The following STIM1 variants were observed in gnomAD, a reference collection of about 807,000 sequenced individuals.
STIM1 encodes the protein stromal interaction molecule 1.
Under a neutral mutation model 74.7 loss-of-function variants are expected in STIM1, and 25 were observed. The observed-to-expected ratio is 0.33, with a 90% CI of 0.24 to 0.47. STIM1 has a LOEUF of 0.47. Among genes scored for constraint, STIM1 ranks in the 20% least tolerant of loss-of-function variants. STIM1 has a pLI of 1.00. For synonymous variants in STIM1, 328 were observed against 348.8 expected, an observed-to-expected ratio of 0.94 and a Z score of 0.66; for missense variants, 728 against 920.8, an observed-to-expected ratio of 0.79 and a Z score of 2.71.
chr11:4,033,094 G>A (rs987705088), intron 3 of STIM1, among the ~76,000 whole-genome samples: 3 of 151,834 alleles, frequency 2.0e-5, no homozygotes, highest in African/African-American at 7.3e-5. Flanking sequence ...AGTTTTCCCA[G>A]CACCATTTAT....
intron 3 of STIM1, among the ~76,000 whole-genome samples, chr11:4,045,762 CTTT>C (rs35939527): frequency 7.9e-4 from 83 of 104,506 alleles, no homozygotes; most frequent in African/African-American, 2.8e-3. Context: ...CTCAACACTT[CTTT>C]TTTTTTTTTT....
chr11:3,987,027 G>C (rs573877277), intron 2 of STIM1, among the ~76,000 whole-genome samples: 1 of 152,348 alleles, frequency 6.6e-6, no homozygotes, highest in Admixed American at 6.5e-5. Context: ...GCAGAGGTAA[G>C]ATTAGAAGTC....
At chr11:3,858,235 T>G (rs2090459163) in intron 1 of STIM1, among the ~76,000 whole-genome samples, 1 of 87,752 alleles carries the variant, frequency 1.1e-5, no homozygotes, top group African/African-American at 3.1e-5. Flanking sequence ...TTAGGAAGGT[T>G]TTTTTTTTTT....
intron 2 of STIM1, among the ~76,000 whole-genome samples, chr11:3,985,930 G>GTT (rs1350506351): frequency 6.6e-6 from 1 of 152,182 alleles, no homozygotes; most frequent in Non-Finnish European, 1.5e-5. Flanking sequence ...AGTTCAGTGA[G>GTT]TTTCCTTTCA....
intron 2 of STIM1, among the ~76,000 whole-genome samples, chr11:3,975,229 A>G (rs2093435432): frequency 6.6e-6 from 1 of 152,232 alleles, no homozygotes; most frequent in Non-Finnish European, 1.5e-5. Flanking sequence ...GTAGTTAATG[A>G]TTCCTACCAT....
intron 2 of STIM1, among the ~76,000 whole-genome samples, chr11:4,018,783 A>T (rs1240470208): frequency 6.6e-6 from 1 of 152,168 alleles, no homozygotes; most frequent in African/African-American, 2.4e-5. Flanking sequence ...TTCCTTGAAC[A>T]TACCAAGTAT....
At chr11:4,024,896 A>G (rs1049392813) in intron 3 of STIM1, among the ~76,000 whole-genome samples, 2 of 152,144 alleles carry the variant, frequency 1.3e-5, no homozygotes, top group East Asian at 3.9e-4. Context: ...CTTCCTCTCC[A>G]TTTATATCTG....
intron 1 of STIM1, among the ~76,000 whole-genome samples, chr11:3,948,763 A>G (rs2093109832): frequency 6.6e-6 from 1 of 152,070 alleles, no homozygotes; most frequent in Non-Finnish European, 1.5e-5. Context: ...GTTATTCCCA[A>G]TCCTCTAAAT....
At chr11:4,078,117 TC>T (rs2094446971) in intron 7 of STIM1, among the ~76,000 whole-genome samples, 1 of 152,242 alleles carries the variant, frequency 6.6e-6, no homozygotes, top group African/African-American at 2.4e-5. Flanking sequence ...CAATAGAGGC[TC>T]CAGATGATTT....
chr11:4,013,470 G>T (rs1030844960), intron 2 of STIM1, among the ~76,000 whole-genome samples: 3 of 151,586 alleles, frequency 2.0e-5, no homozygotes, highest in African/African-American at 7.3e-5. Context: ...ATGTGTCGAG[G>T]AATTTATCCA....
chr11:3,944,381 T>C (rs2093046918), intron 1 of STIM1, among the ~76,000 whole-genome samples: 1 of 152,156 alleles, frequency 6.6e-6, no homozygotes, highest in African/African-American at 2.4e-5. Context: ...AACTCGCTGA[T>C]TGAATCACTG....
intron 7 of STIM1, among the ~76,000 whole-genome samples, chr11:4,077,556 C>T (rs1042187714): frequency 2.0e-5 from 3 of 152,104 alleles, no homozygotes; most frequent in African/African-American, 7.2e-5. Context: ...ACATATAGAA[C>T]ACTTTGCCTA....
At chr11:3,996,390 T>C (rs1225315148) in intron 2 of STIM1, among the ~76,000 whole-genome samples, 1 of 152,154 alleles carries the variant, frequency 6.6e-6, no homozygotes, top group Non-Finnish European at 1.5e-5. Context: ...GCATCCAAGG[T>C]AAAGCTCTCG....
Position 3,855,898 on chromosome 11 carries a change from TTCTCTTCC to T in STIM1, c.-370_-363del, listed in dbSNP as rs1001475616. ...CCCTTCTCGCCTCTCTTCTCTTCTC[TTCTCTTCC>T]TCCTCCACTTCTGTGCCCGCGGAGA... is the stretch of plus-strand genomic sequence containing the variant. On this transcript the variant is annotated 5_prime_UTR_variant, in exon 1 of 13. Transcript: ENST00000526596. 6.9e-6 allele frequency: 2 copies of T among 289,584 alleles called. No individual in the cohort carries two copies. The highest frequency in any genetic ancestry group is 1.8e-4 in the East Asian group (2 of 11,302). The allele number at this position is 289,584 out of a possible 1,614,324, so 17.9% of individuals were successfully genotyped here.
intron 2 of STIM1, among the ~76,000 whole-genome samples, chr11:4,005,213 C>T (rs2093765339): frequency 6.6e-6 from 1 of 152,144 alleles, no homozygotes; most frequent in Non-Finnish European, 1.5e-5. Flanking sequence ...TACCATTTGA[C>T]CCAGCCATCC....
chr11:4,051,054 AG>A (rs2094235865), intron 3 of STIM1, among the ~76,000 whole-genome samples: 2 of 152,142 alleles, frequency 1.3e-5, no homozygotes, highest in Admixed American at 6.5e-5. Context: ...GTAGGAAGGG[AG>A]GTGGGAGAAG....
chr11:3,959,955 A>G (rs1415950938), intron 1 of STIM1, among the ~76,000 whole-genome samples: 1 of 152,212 alleles, frequency 6.6e-6, no homozygotes, highest in East Asian at 1.9e-4. Context: ...ACCTCCACAC[A>G]CTGTCAGTTA....
chr11:4,020,254 A>C (rs11827750), intron 2 of STIM1, among the ~76,000 whole-genome samples: 6,339 of 152,244 alleles, frequency 0.042, 410 homozygotes, highest in African/African-American at 0.14. Context: ...GTGCTGCAAT[A>C]AACATGGAAG....
At chr11:3,908,652 A>C (rs887279558) in intron 1 of STIM1, among the ~76,000 whole-genome samples, 5 of 152,058 alleles carry the variant, frequency 3.3e-5, no homozygotes, top group Admixed American at 2.0e-4. Flanking sequence ...CATGGCTAGA[A>C]AGTTTAAAGC....
Sources: gnomAD v4.1 joint callset for allele counts (sites outside exome capture counted in the v4.1 genomes callset) on GRCh38, gnomAD v4.1.1 for gene constraint, MANE v1.5 for transcripts, NCBI Gene and HGNC (gene_info 2026-07-23, HGNC 2026-07-21) for gene names.